Variants in ANK3 observed in about 807,000 individuals in gnomAD.
ANK3 encodes the protein ankyrin-3.
In ANK3, 57 loss-of-function variants were observed where a neutral mutation model predicts 370.9. The ratio of observed to expected loss-of-function variants is 0.15; its 90% CI spans 0.12 to 0.19. The LOEUF (loss-of-function observed/expected upper bound fraction) is 0.19. Among genes scored for constraint, ANK3 ranks in the 10% least tolerant of loss-of-function variants. The probability of loss-of-function intolerance (pLI) is 1.00; values close to 1 mark genes in which losing one functional copy is unlikely to be tolerated. For missense variants in ANK3, 4,439 were observed against 5,302.1 expected (o/e 0.84, Z 5.06); for synonymous variants, 1,929 against 1,946.3 (o/e 0.99, Z 0.23).
chr10:60,247,153 C>G (rs1199315486), intron 7 of ANK3, among the ~76,000 whole-genome samples: 1 of 151,924 alleles, frequency 6.6e-6, no homozygotes, highest in African/African-American at 2.4e-5. Context: ...GCAGGTGGGA[C>G]TACAGGTGCC....
chr10:60,307,237 C>G (rs932196531), intron 1 of ANK3, among the ~76,000 whole-genome samples: 1 of 152,182 alleles, frequency 6.6e-6, no homozygotes, highest in Admixed American at 6.5e-5. Context: ...GCCAACAAAA[C>G]CTAAAATATT....
intron 2 of ANK3, among the ~76,000 whole-genome samples, chr10:60,407,867 A>G (rs954834903): frequency 1.3e-5 from 2 of 152,168 alleles, no homozygotes; most frequent in African/African-American, 2.4e-5. Flanking sequence ...ACACTTTTCT[A>G]TTATGTTTGC....
chr10:60,122,089 G>A (rs1490594362), intron 25 of ANK3, among the ~76,000 whole-genome samples: 2 of 152,184 alleles, frequency 1.3e-5, no homozygotes, highest in African/African-American at 4.8e-5. Flanking sequence ...CTTAGATTTG[G>A]AAATTGCCTT....
intron 43 of ANK3, among the ~76,000 whole-genome samples, chr10:60,032,594 G>A (rs2073942132): frequency 1.3e-5 from 2 of 152,022 alleles, no homozygotes; most frequent in Middle Eastern, 3.2e-3. Flanking sequence ...AACTTCCCAG[G>A]TTAATTTCGT....
intron 1 of ANK3, among the ~76,000 whole-genome samples, chr10:60,355,822 G>A (rs1474882150): frequency 1.3e-5 from 2 of 148,658 alleles, no homozygotes; most frequent in Non-Finnish European, 3.0e-5. Context: ...CTACATTTCA[G>A]ACACAAGTGG....
At chr10:60,469,129 G>GTA (rs1205321511) in intron 2 of ANK3, among the ~76,000 whole-genome samples, 8 of 63,292 alleles carry the variant, frequency 1.3e-4, no homozygotes, top group South Asian at 4.9e-4. Flanking sequence ...ACCACTTTTA[G>GTA]TATATATATA....
At chr10:60,497,021 G>C (rs1322813906) in intron 2 of ANK3, among the ~76,000 whole-genome samples, 1 of 152,146 alleles carries the variant, frequency 6.6e-6, no homozygotes, top group Non-Finnish European at 1.5e-5. Flanking sequence ...ACAAAAACAG[G>C]CTGGGTGTAA....
chr10:60,081,409 C>A lies in ANK3; in HGVS notation c.4350+741G>T, dbSNP rs191840405. On this transcript the variant is annotated intron_variant, in intron 35 of 43. Transcript: ENST00000280772. ...CCACGCCTGGCCAGAGGTACTATTA[C>A]TGCATCCTAAGGCTACTTGATTCTA... 332 of 345,838 alleles carry A rather than the reference C, an allele frequency of 9.6e-4. 2 individuals carry two copies. Among genetic ancestry groups the A allele is most frequent in the African/African-American group, 6.8e-3 (315 of 46,558 alleles). 21.4% of individuals were successfully genotyped at this position (345,838 alleles called of 1,614,324 possible).
At chr10:60,272,855 T>A (rs117232551) in intron 4 of ANK3, among the ~76,000 whole-genome samples, 1 of 152,062 alleles carries the variant, frequency 6.6e-6, no homozygotes, top group Non-Finnish European at 1.5e-5. Flanking sequence ...AGACAAGTAA[T>A]GTCAGTTCGT....
intron 2 of ANK3, among the ~76,000 whole-genome samples, chr10:60,549,953 G>T (rs1199350407): frequency 6.6e-6 from 1 of 152,126 alleles, no homozygotes; most frequent in East Asian, 1.9e-4. Context: ...CTATCAAGAA[G>T]AGTAGAAGAC....
chr10:60,043,885 AAAAGT>A (rs1323120068), intron 42 of ANK3: 16 of 985,550 alleles, frequency 1.6e-5, no homozygotes, highest in Non-Finnish European at 1.9e-5. Context: ...GTTAAAAAAA[AAAAGT>A]ATGTAACAAA....
chr10:60,404,013 A>G (rs545662210), intron 2 of ANK3, among the ~76,000 whole-genome samples: 6 of 152,312 alleles, frequency 3.9e-5, no homozygotes, highest in African/African-American at 1.4e-4. Context: ...AGTATCAAAA[A>G]CCATAAAGTA....
chr10:60,493,694 C>T lies in ANK3; in HGVS notation c.96+121492G>A, dbSNP rs936324570. Among the ~76,000 whole-genome samples the T allele has an allele frequency of 6.6e-5, 10 of 151,686 alleles. No individual in the cohort carries two copies. In the South Asian group the frequency reaches 1.5e-3, roughly 22 times the overall value. On this transcript the variant is annotated intron_variant, in intron 2 of 43. Coordinates refer to the ANK3 transcript ENST00000373827. ...TAGCCAACCCCAAAAAATGGGTTGG[C>T]TATATAGAGATGTAAGAACTACATA...
chr10:60,171,229 C>A (rs2095785056), intron 21 of ANK3, among the ~76,000 whole-genome samples: 1 of 152,148 alleles, frequency 6.6e-6, no homozygotes, highest in African/African-American at 2.4e-5. Context: ...GCTTGACAAT[C>A]ATTGTTCTAT....
chr10:60,176,788 A>C (rs1404665315), intron 18 of ANK3, among the ~76,000 whole-genome samples: 2 of 152,056 alleles, frequency 1.3e-5, no homozygotes, highest in African/African-American at 4.8e-5. Context: ...TAAAATAAAC[A>C]AAAACAAACA....
intron 1 of ANK3, among the ~76,000 whole-genome samples, chr10:60,323,850 G>T (rs1310868702): frequency 6.6e-6 from 1 of 152,152 alleles, no homozygotes; most frequent in East Asian, 1.9e-4. Flanking sequence ...GGTCAAATGT[G>T]CCAGATGCTC....
At chr10:60,040,244 A>G (rs184331494) in intron 43 of ANK3, among the ~76,000 whole-genome samples, 5 of 152,228 alleles carry the variant, frequency 3.3e-5, no homozygotes, top group South Asian at 2.1e-4. Flanking sequence ...TGATGTTACC[A>G]TCTAAGACTC....
intron 1 of ANK3, among the ~76,000 whole-genome samples, chr10:60,724,583 T>C (rs980175541): frequency 5.3e-5 from 8 of 152,202 alleles, no homozygotes; most frequent in Admixed American, 5.2e-4. Context: ...ATTTAGCATA[T>C]TACATTCTAA....
At chr10:60,589,164 G>A (rs2077875702) in intron 2 of ANK3, among the ~76,000 whole-genome samples, 1 of 152,090 alleles carries the variant, frequency 6.6e-6, no homozygotes, top group South Asian at 2.1e-4. Flanking sequence ...AATTACTTAT[G>A]GATTGTCAAT....
Sources: allele counts gnomAD v4.1 joint callset (sites outside exome capture counted in the v4.1 genomes callset), GRCh38; gene constraint gnomAD v4.1.1; transcripts MANE v1.5; gene names NCBI Gene and HGNC (gene_info 2026-07-23, HGNC 2026-07-21).